The following COLGALT2 variants were observed in gnomAD, a reference collection of about 807,000 sequenced individuals.
COLGALT2 encodes collagen beta(1-O)galactosyltransferase 2.
A neutral mutation model predicts 73.4 loss-of-function variants in COLGALT2; 49 were observed. That is an observed-to-expected ratio of 0.67 (90% confidence interval 0.53 to 0.85). COLGALT2 has a LOEUF of 0.85. COLGALT2 is among the 40% of genes least tolerant of loss of function. COLGALT2 has a pLI of 0.00. For missense variants in COLGALT2, 722 were observed against 790.2 expected (o/e 0.91, Z 1.03); for synonymous variants, 295 against 307.6 (o/e 0.96, Z 0.43).
chr1:183,973,155 A>ACCT (rs1407878062), intron 4 of COLGALT2, among the ~76,000 whole-genome samples: 11 of 152,336 alleles, frequency 7.2e-5, no homozygotes, highest in Non-Finnish European at 1.2e-4. Context: ...GGTTAAGTAA[A>ACCT]TTGGAACATA....
At position 183,940,489 on chromosome 1, in the gene COLGALT2, C is replaced by T. The variant is rs139035282; in HGVS notation, c.1604+92G>A. 2.7e-3 allele frequency: 3,145 copies of T among 1,169,554 alleles called. 23 individuals carry two copies. The highest frequency in any genetic ancestry group is 0.015 in the African/African-American group (1,002 of 66,346). 72.4% of individuals were successfully genotyped at this position (1,169,554 alleles called of 1,614,324 possible). On this transcript the variant is annotated intron_variant, in intron 11 of 11. Transcript: ENST00000361927. The stretch of plus-strand genomic sequence containing the variant: ...AAGATCATTTAGGAAAGCAGTACAA[C>T]TTTAGAAAATATCAAGTACTACCAG...
At chr1:183,999,964 G>A (rs1352599076) in intron 1 of COLGALT2, among the ~76,000 whole-genome samples, 2 of 151,286 alleles carry the variant, frequency 1.3e-5, no homozygotes, top group African/African-American at 2.4e-5. Context: ...TGTCTCCTTG[G>A]GTTTATTCTG....
intron 1 of COLGALT2, among the ~76,000 whole-genome samples, chr1:184,022,771 G>C (rs12128716): frequency 6.6e-6 from 1 of 152,104 alleles, no homozygotes; most frequent in Non-Finnish European, 1.5e-5. Flanking sequence ...GGCAGAAATC[G>C]TTTCACCCTC....
intron 1 of COLGALT2, among the ~76,000 whole-genome samples, chr1:183,984,590 G>C (rs1303505752): frequency 6.6e-6 from 1 of 152,172 alleles, no homozygotes; most frequent in Non-Finnish European, 1.5e-5. Flanking sequence ...GACAGCTTCA[G>C]TGCTCATGGT....
chr1:184,012,865 A>T (rs1360574118), intron 1 of COLGALT2, among the ~76,000 whole-genome samples: 1 of 152,266 alleles, frequency 6.6e-6, no homozygotes, highest in Non-Finnish European at 1.5e-5. Flanking sequence ...TATTACAATA[A>T]CTTGTTTACC....
At position 183,963,988 on chromosome 1, in the gene COLGALT2, A is replaced by G. The variant is rs775193307; in HGVS notation, c.865T>C (p.Tyr289His). ...IQMYLCNREHYGYLPIPLKPH... is the reference protein window; with the variant it reads ...IQMYLCNREHHGYLPIPLKPH... Reference sequence around the variant, plus strand: ...TTCAGGGGGATGGGCAGGTAGCCATAGTGCTCTCTGTTGCAGAGGTACATC... The same window carrying G: ...TTCAGGGGGATGGGCAGGTAGCCATGGTGCTCTCTGTTGCAGAGGTACATC... The change falls in exon 6 of 12, where the codon TAT (tyrosine) becomes CAT (histidine). Residue 289 changes from tyrosine (Y) to histidine (H), a missense_variant. Coordinates refer to ENST00000361927, the MANE Select transcript of COLGALT2 (RefSeq NM_015101.4). 6.2e-7 allele frequency: 1 copy of G among 1,613,562 alleles called. No individual in the cohort carries two copies. The highest frequency in any genetic ancestry group is 1.1e-5 in the South Asian group (1 of 90,964).
At chr1:183,982,715 C>T (rs1328774309) in intron 1 of COLGALT2, among the ~76,000 whole-genome samples, 2 of 152,132 alleles carry the variant, frequency 1.3e-5, no homozygotes, top group African/African-American at 4.8e-5. Context: ...TCACTTGAGC[C>T]CAGGAGTTCC....
chr1:184,025,198 T>C (rs572316141), intron 1 of COLGALT2, among the ~76,000 whole-genome samples: 1 of 152,362 alleles, frequency 6.6e-6, no homozygotes, highest in African/African-American at 2.4e-5. Context: ...GGCTATAACC[T>C]TCAGTCACCT....
intron 1 of COLGALT2, among the ~76,000 whole-genome samples, chr1:184,025,859 A>T (rs867884950): frequency 6.6e-6 from 1 of 152,248 alleles, no homozygotes; most frequent in Non-Finnish European, 1.5e-5. Flanking sequence ...TTATGCAGTT[A>T]TGTGAACATT....
intron 1 of COLGALT2, among the ~76,000 whole-genome samples, chr1:184,028,987 T>C (rs963764623): frequency 1.3e-5 from 2 of 152,344 alleles, no homozygotes; most frequent in African/African-American, 4.8e-5. Context: ...AAGTCAGCCC[T>C]AGCAAGATGT....
intron 1 of COLGALT2, among the ~76,000 whole-genome samples, chr1:184,029,807 G>A (rs1008343730): frequency 3.3e-5 from 5 of 152,194 alleles, no homozygotes; most frequent in Non-Finnish European, 5.9e-5. Flanking sequence ...CCTGGAACAG[G>A]TGTTATATGA....
intron 8 of COLGALT2, chr1:183,946,107 C>G (rs1326401309): frequency 6.5e-6 from 1 of 153,654 alleles, no homozygotes; most frequent in Non-Finnish European, 1.4e-5. Flanking sequence ...AATCTCTATT[C>G]AACCTGTCTA....
chr1:183,966,350 A>G lies in COLGALT2; in HGVS notation c.833-2330T>C, dbSNP rs1670870893. On this transcript the variant is annotated intron_variant, in intron 5 of 11. Coordinates refer to ENST00000361927, the MANE Select transcript of COLGALT2 (RefSeq NM_015101.4). ...TTGAAGGACTGTTTTTCTTTTAAAC[A>G]TATTAAACATTTTCTTGTACTCATA... is the stretch of plus-strand genomic sequence containing the variant. Among the ~76,000 whole-genome samples, 4 of 152,336 alleles carry G rather than the reference A, an allele frequency of 2.6e-5. No individual in the cohort carries two copies. In the South Asian group the frequency reaches 8.3e-4, roughly 32 times the overall value.
chr1:183,977,387 C>T (rs1162760646), intron 2 of COLGALT2, among the ~76,000 whole-genome samples: 1 of 151,106 alleles, frequency 6.6e-6, no homozygotes, highest in Non-Finnish European at 1.5e-5. Flanking sequence ...AGGAGAATTG[C>T]TTGAACCCAG....
intron 10 of COLGALT2, among the ~76,000 whole-genome samples, chr1:183,943,459 G>T (rs1308884185): frequency 6.6e-6 from 1 of 151,822 alleles, no homozygotes; most frequent in Non-Finnish European, 1.5e-5. Context: ...GGAGGAGGCA[G>T]AGGAGGAAGA....
At chr1:184,002,366 G>A (rs926680621) in intron 1 of COLGALT2, among the ~76,000 whole-genome samples, 3 of 152,174 alleles carry the variant, frequency 2.0e-5, no homozygotes, top group Admixed American at 1.3e-4. Flanking sequence ...TGACTCAGCC[G>A]TTCTTTATGA....
intron 7 of COLGALT2, 46 bp downstream of exon 7, chr1:183,954,716 C>A: frequency 2.8e-6 from 4 of 1,423,738 alleles, no homozygotes; most frequent in Non-Finnish European, 4.0e-6. Flanking sequence ...AACACACAAG[C>A]CTGCACACGC....
At chr1:184,027,930 T>C (rs1649379613) in intron 1 of COLGALT2, among the ~76,000 whole-genome samples, 1 of 152,184 alleles carries the variant, frequency 6.6e-6, no homozygotes, top group Admixed American at 6.5e-5. Flanking sequence ...GGTCTGACTG[T>C]CTGAATACTC....
Position 184,037,243 on chromosome 1 carries a change from C to G in COLGALT2, c.115G>C (p.Gly39Arg), listed in dbSNP as rs147120459. The change falls in exon 1 of 12, where the codon GGA (glycine) becomes CGA (arginine). Residue 39 changes from glycine to arginine, a missense_variant. Coordinates refer to ENST00000361927, the MANE Select transcript of COLGALT2 (RefSeq NM_015101.4). ...FVAERDSEDD[G>R]EEPVVFPESP... ...TCCGGGAAAACCACCGGCTCCTCTC[C>G]GTCGTCCTCCGAGTCCCGCTCGGCG... 2.1e-5 allele frequency: 33 copies of G among 1,583,904 alleles called. No individual in the cohort carries two copies. The highest frequency in any genetic ancestry group is 2.6e-5 in the Non-Finnish European group (30 of 1,167,060).
Sources: allele counts gnomAD v4.1 joint callset (sites outside exome capture counted in the v4.1 genomes callset), GRCh38; gene constraint gnomAD v4.1.1; transcripts MANE v1.5; gene names NCBI Gene and HGNC (gene_info 2026-07-23, HGNC 2026-07-21).